The following LINGO2 variants were observed in gnomAD, a reference collection of about 807,000 sequenced individuals.
The protein encoded by LINGO2 is leucine-rich repeat and immunoglobulin-like domain-containing nogo receptor-interacting protein 2.
A neutral mutation model predicts 30.6 loss-of-function variants in LINGO2; 14 were observed. The observed-to-expected ratio is 0.46, with a 90% CI of 0.30 to 0.72. The LOEUF (loss-of-function observed/expected upper bound fraction) is 0.72, where lower values mean the gene tolerates loss of function less well. Ranked by LOEUF, LINGO2 falls within the 30% of genes least tolerant of loss-of-function variation. The pLI is 0.07. For missense variants in LINGO2, 729 were observed against 751.7 expected (o/e 0.97, Z 0.35); for synonymous variants, 317 against 288.5 (o/e 1.10, Z -1.00).
intron 2 of LINGO2, among the ~76,000 whole-genome samples, chr9:28,401,390 G>T (rs1822259797): frequency 6.6e-6 from 1 of 151,966 alleles, no homozygotes; most frequent in Non-Finnish European, 1.5e-5. Flanking sequence ...TGTGGTGTTT[G>T]GTTTTTGGTT....
chr9:28,296,749 C>A (rs956803126), intron 3 of LINGO2, among the ~76,000 whole-genome samples: 3 of 152,088 alleles, frequency 2.0e-5, no homozygotes, highest in Non-Finnish European at 1.5e-5. Flanking sequence ...AAAGCAGGAG[C>A]GTTATGTTGA....
intron 2 of LINGO2, among the ~76,000 whole-genome samples, chr9:28,393,072 C>T (rs1821901461): frequency 6.6e-6 from 1 of 152,168 alleles, no homozygotes; most frequent in African/African-American, 2.4e-5. Context: ...GTGATGAAAA[C>T]GTTGTGTGAA....
chr9:28,100,414 A>G (rs566786706), intron 4 of LINGO2, among the ~76,000 whole-genome samples: 1 of 152,184 alleles, frequency 6.6e-6, no homozygotes, highest in Non-Finnish European at 1.5e-5. Flanking sequence ...AAATAGATAA[A>G]TCAGAGTAAA....
chr9:28,574,842 C>A (rs1019233263), intron 1 of LINGO2, among the ~76,000 whole-genome samples: 1 of 152,184 alleles, frequency 6.6e-6, no homozygotes, highest in African/African-American at 2.4e-5. Context: ...TTCTGGGCTT[C>A]TCACTCTCAT....
chr9:28,351,704 G>T (rs1385788937), intron 3 of LINGO2, among the ~76,000 whole-genome samples: 2 of 151,484 alleles, frequency 1.3e-5, no homozygotes, highest in Non-Finnish European at 2.9e-5. Context: ...CAAAAAAAGA[G>T]AATTTTAGAC....
intron 1 of LINGO2, among the ~76,000 whole-genome samples, chr9:28,654,778 G>A (rs1188559979): frequency 6.6e-6 from 1 of 151,984 alleles, no homozygotes; most frequent in Non-Finnish European, 1.5e-5. Context: ...ACTGTCAGTC[G>A]TCTAGTCAGT....
chr9:29,043,635 T>G, the LINGO2 span, among the ~76,000 whole-genome samples: 5 of 152,156 alleles, frequency 3.3e-5, no homozygotes, highest in South Asian at 1.0e-3. Context: ...TTATGAAATC[T>G]GATGCTTATG....
At chr9:28,357,542 T>G (rs1820268562) in intron 3 of LINGO2, among the ~76,000 whole-genome samples, 1 of 152,086 alleles carries the variant, frequency 6.6e-6, no homozygotes, top group Non-Finnish European at 1.5e-5. Context: ...GAGACATATC[T>G]TTGATTAGAA....
chr9:28,995,651 A>G, the LINGO2 span, among the ~76,000 whole-genome samples: 3 of 151,896 alleles, frequency 2.0e-5, no homozygotes, highest in Non-Finnish European at 4.4e-5. Context: ...CTGGATTAAG[A>G]AAATGTGGCA....
At chr9:28,755,807 A>T in the LINGO2 span, among the ~76,000 whole-genome samples, 1 of 152,042 alleles carries the variant, frequency 6.6e-6, no homozygotes, top group Admixed American at 6.6e-5. Context: ...GTAAAGGTCT[A>T]TTGCTCACAG....
chr9:28,274,168 C>A (rs369411580), intron 4 of LINGO2, among the ~76,000 whole-genome samples: 5 of 152,246 alleles, frequency 3.3e-5, no homozygotes, highest in Admixed American at 2.6e-4. Flanking sequence ...CCTAAGCACA[C>A]AAAACTAATT....
intron 2 of LINGO2, among the ~76,000 whole-genome samples, chr9:28,378,170 G>C (rs188910842): frequency 2.5e-3 from 374 of 152,234 alleles, no homozygotes; most frequent in Non-Finnish European, 3.9e-3. Flanking sequence ...AAATTCCTCA[G>C]ACAGAAAAGT....
chr9:28,511,528 G>C (rs1820384902), intron 1 of LINGO2, among the ~76,000 whole-genome samples: 1 of 152,150 alleles, frequency 6.6e-6, no homozygotes, highest in Non-Finnish European at 1.5e-5. Flanking sequence ...TAGGGAAAAA[G>C]GCTGAGTGGT....
chr9:28,961,320 A>C, the LINGO2 span, among the ~76,000 whole-genome samples: 17,989 of 152,172 alleles, frequency 0.12, 1,053 homozygotes, highest in South Asian at 0.16. Flanking sequence ...AGGCAAATTC[A>C]GGCCCCTAGC....
At chr9:28,543,566 G>A (rs957727063) in intron 1 of LINGO2, among the ~76,000 whole-genome samples, 2 of 151,848 alleles carry the variant, frequency 1.3e-5, no homozygotes, top group African/African-American at 4.8e-5. Context: ...TTGAGTTTAA[G>A]CCCAGAAACA....
intron 5 of LINGO2, among the ~76,000 whole-genome samples, chr9:27,988,535 C>T (rs929401234): frequency 2.6e-5 from 4 of 151,914 alleles, no homozygotes; most frequent in Non-Finnish European, 5.9e-5. Context: ...TTTTAATGAT[C>T]GTCATTCTAA....
the LINGO2 span, among the ~76,000 whole-genome samples, chr9:29,096,218 C>G: frequency 7.2e-6 from 1 of 139,310 alleles, no homozygotes; most frequent in South Asian, 2.3e-4. Flanking sequence ...TTCAGCCAAC[C>G]TCTTCCCTGA....
downstream of LINGO2, among the ~76,000 whole-genome samples, chr9:27,945,105 T>A (rs573546443): frequency 9.2e-5 from 14 of 152,294 alleles, no homozygotes; most frequent in Non-Finnish European, 1.5e-4. Context: ...CAGTGTTGAA[T>A]GGCTTCTGAG....
At chr9:28,006,478 G>A (rs911613052) in intron 5 of LINGO2, among the ~76,000 whole-genome samples, 2 of 152,074 alleles carry the variant, frequency 1.3e-5, no homozygotes, top group Admixed American at 1.3e-4. Context: ...TTATATAACT[G>A]TATAAAATGC....
Sources: gnomAD v4.1 joint callset for allele counts (sites outside exome capture counted in the v4.1 genomes callset) on GRCh38, gnomAD v4.1.1 for gene constraint, MANE v1.5 for transcripts, NCBI Gene and HGNC (gene_info 2026-07-23, HGNC 2026-07-21) for gene names.